COL25A1: variants seen among roughly 807,000 people sequenced by gnomAD.
COL25A1 encodes the protein collagen type XXV alpha 1 chain, also known as collagen alpha-1(XXV) chain.
In COL25A1, 103 loss-of-function variants were observed where a neutral mutation model predicts 128.4. The ratio of observed to expected loss-of-function variants is 0.80; its 90% CI spans 0.68 to 0.94. COL25A1 has a LOEUF of 0.94. Among genes scored for constraint, COL25A1 ranks in the 40% least tolerant of loss-of-function variants. COL25A1 has a pLI of 0.00. For synonymous variants in COL25A1, 279 were observed against 277.2 expected (o/e 1.01, Z -0.06); for missense variants, 745 against 840.0 (o/e 0.89, Z 1.40).
chr4:109,168,408 A>T (rs1467424876), intron 3 of COL25A1, among the ~76,000 whole-genome samples: 1 of 152,174 alleles, frequency 6.6e-6, no homozygotes, highest in Non-Finnish European at 1.5e-5. Context: ...AAATGCAACG[A>T]CTTTCTCTTG....
At chr4:108,882,220 A>T (rs1436848392) in intron 19 of COL25A1, among the ~76,000 whole-genome samples, 3 of 152,008 alleles carry the variant, frequency 2.0e-5, no homozygotes, top group African/African-American at 7.2e-5. Context: ...TGGAGGATAT[A>T]AGACTAAAGT....
chr4:109,012,056 A>G (rs774415146), intron 5 of COL25A1, among the ~76,000 whole-genome samples: 9 of 152,248 alleles, frequency 5.9e-5, no homozygotes, highest in Non-Finnish European at 1.0e-4. Context: ...TCTGTTGCCC[A>G]GGCAGGAGTG....
chr4:108,896,102 T>A (rs1014028468), intron 16 of COL25A1, among the ~76,000 whole-genome samples: 1 of 151,798 alleles, frequency 6.6e-6, no homozygotes, highest in Non-Finnish European at 1.5e-5. Flanking sequence ...CCAACCACCA[T>A]GCCCAGCTAG....
intron 3 of COL25A1, among the ~76,000 whole-genome samples, chr4:109,236,741 T>C (rs1193391750): frequency 3.3e-5 from 5 of 152,212 alleles, no homozygotes. Context: ...TTTGAGAACA[T>C]TTTTGATGCA....
In COL25A1 at chr4:109,053,918, C is replaced by T. The variant is rs113061636; in HGVS notation, c.368-3739G>A. ...GGATAAAAAGCAAAGGGATGGCTCA[C>T]GCCCTGGGTGATTGTGCTTAGGTGC... On this transcript the variant is annotated intron_variant, in intron 3 of 37. Transcript: ENST00000399132. Among the ~76,000 whole-genome samples the T allele has an allele frequency of 9.1e-3, 1,379 of 152,220 alleles. 7 individuals carry two copies. Among genetic ancestry groups the T allele is most frequent in the Non-Finnish European group, 0.012 (832 of 68,014 alleles).
intron 3 of COL25A1, among the ~76,000 whole-genome samples, chr4:109,269,396 T>C (rs530118858): frequency 6.8e-6 from 1 of 146,030 alleles, no homozygotes; most frequent in African/African-American, 2.6e-5. Context: ...TAAACATACG[T>C]GTGCATGTGT....
At chr4:109,237,347 TG>T (rs1779542438) in intron 3 of COL25A1, among the ~76,000 whole-genome samples, 1 of 152,100 alleles carries the variant, frequency 6.6e-6, no homozygotes, top group African/African-American at 2.4e-5. Context: ...TAAGTGGAGA[TG>T]AATAAAACAT....
At chr4:109,056,439 TA>T (rs1319517562) in intron 3 of COL25A1, among the ~76,000 whole-genome samples, 2 of 152,176 alleles carry the variant, frequency 1.3e-5, no homozygotes, top group Non-Finnish European at 2.9e-5. Context: ...TCCTAGAGGA[TA>T]TTTTTTAGAT....
At chr4:108,854,231 A>G (rs181779953) in intron 24 of COL25A1, among the ~76,000 whole-genome samples, 42 of 152,318 alleles carry the variant, frequency 2.8e-4, no homozygotes, top group Non-Finnish European at 5.7e-4. Context: ...AACGGATTAA[A>G]GATTTAAATG....
At chr4:109,104,141 G>A (rs762364880) in intron 3 of COL25A1, among the ~76,000 whole-genome samples, 1 of 152,130 alleles carries the variant, frequency 6.6e-6, no homozygotes, top group South Asian at 2.1e-4. Context: ...GGGAAGCTGA[G>A]GTGGGAGGAT....
chr4:109,194,073 G>C (rs10488875), intron 3 of COL25A1, among the ~76,000 whole-genome samples: 1 of 152,068 alleles, frequency 6.6e-6, no homozygotes, highest in African/African-American at 2.4e-5. Flanking sequence ...ATGAGCAAGC[G>C]AACTTGTTAA....
intron 3 of COL25A1, among the ~76,000 whole-genome samples, chr4:109,178,166 T>C (rs1014024509): frequency 4.6e-5 from 7 of 152,214 alleles, no homozygotes; most frequent in South Asian, 4.1e-4. Context: ...TACATCCTTA[T>C]GCCAATCATT....
At chr4:108,875,719 C>T (rs191243969) in intron 19 of COL25A1, among the ~76,000 whole-genome samples, 264 of 152,202 alleles carry the variant, frequency 1.7e-3, no homozygotes, top group African/African-American at 6.2e-3. Context: ...TGGGTATATA[C>T]CCAAAAGATT....
At chr4:109,044,285 T>C (rs947283361) in intron 5 of COL25A1, among the ~76,000 whole-genome samples, 3 of 152,132 alleles carry the variant, frequency 2.0e-5, no homozygotes, top group African/African-American at 2.4e-5. Flanking sequence ...AAGAAACACA[T>C]AGTTATATAT....
chr4:109,301,364 A>G (rs1044383532), intron 2 of COL25A1, among the ~76,000 whole-genome samples: 18 of 152,192 alleles, frequency 1.2e-4, no homozygotes, highest in Non-Finnish European at 5.9e-5. Flanking sequence ...ACAACATGTA[A>G]AAGATTTAAC....
intron 3 of COL25A1, among the ~76,000 whole-genome samples, chr4:109,110,637 T>C (rs544063909): frequency 4.6e-4 from 70 of 152,174 alleles, no homozygotes; most frequent in African/African-American, 1.7e-3. Context: ...TTGTTCCTCG[T>C]CTCCTCCCCA....
At chr4:108,925,505 C>G (rs1745945692) in intron 11 of COL25A1, among the ~76,000 whole-genome samples, 1 of 151,928 alleles carries the variant, frequency 6.6e-6, no homozygotes, top group Admixed American at 6.6e-5. Context: ...TCAAAGAACA[C>G]CAAGTAGGCT....
rs181736494 is a variant in COL25A1, at chr4:109,244,615, A to T, written c.367+55968T>A. Reference sequence around the variant, plus strand: ...CATGAAAGGCAACCGATCACTTTTTAAAAAAATACCCAAGATGCAGTATTT... The same window carrying T: ...CATGAAAGGCAACCGATCACTTTTTTAAAAAATACCCAAGATGCAGTATTT... On this transcript the variant is annotated intron_variant, in intron 3 of 37. Coordinates refer to ENST00000399132, the MANE Select transcript of COL25A1 (RefSeq NM_198721.4). 5.3e-5 allele frequency among the ~76,000 whole-genome samples: 8 copies of T among 152,234 alleles called. No individual in the cohort carries two copies. The East Asian group carries it at 5.8e-4, about 11-fold the overall frequency.
At chr4:109,230,819 A>G (rs1380530439) in intron 3 of COL25A1, among the ~76,000 whole-genome samples, 1 of 152,234 alleles carries the variant, frequency 6.6e-6, no homozygotes, top group Non-Finnish European at 1.5e-5. Flanking sequence ...ATAAAAATTC[A>G]ATCTGCAAGG....
Sources: allele counts gnomAD v4.1 joint callset (sites outside exome capture counted in the v4.1 genomes callset), GRCh38; gene constraint gnomAD v4.1.1; transcripts MANE v1.5; gene names NCBI Gene and HGNC (gene_info 2026-07-23, HGNC 2026-07-21).